The following TP53BP1 variants were observed in gnomAD, a reference collection of about 807,000 sequenced individuals.
TP53BP1 encodes the protein TP53-binding protein 1.
In TP53BP1, 61 loss-of-function variants were observed where a neutral mutation model predicts 200.8. The observed-to-expected ratio is 0.30, with a 90% CI of 0.25 to 0.38. The LOEUF (loss-of-function observed/expected upper bound fraction) is 0.38, where lower values mean the gene tolerates loss of function less well. Among genes scored for constraint, TP53BP1 ranks in the 10% least tolerant of loss-of-function variants. The pLI, the probability that TP53BP1 is intolerant of heterozygous loss-of-function variation, is 1.00. For missense variants in TP53BP1, 2,144 were observed against 2,371.9 expected, an observed-to-expected ratio of 0.90 and a Z score of 2.00; for synonymous variants, 822 against 844.3, an observed-to-expected ratio of 0.97 and a Z score of 0.46.
chr15:43,481,054 C>T, intron 4 of TP53BP1, 32 bp from the exon 5 acceptor site: 1 of 1,613,514 alleles, frequency 6.2e-7, no homozygotes, highest in Non-Finnish European at 8.5e-7. Context: ...TCATGTGTTC[C>T]CAGATAGTTT....
chr15:43,492,579 C>T, intron 1 of TP53BP1, 111 bp from the exon 2 acceptor site: 1 of 769,328 alleles, frequency 1.3e-6, no homozygotes, highest in Non-Finnish European at 2.1e-6. Context: ...GGGACCACTT[C>T]AGGACTCCTC....
chr15:43,452,790 G>A (rs868443418), intron 12 of TP53BP1, among the ~76,000 whole-genome samples: 9 of 151,676 alleles, frequency 5.9e-5, no homozygotes, highest in Non-Finnish European at 8.8e-5. Flanking sequence ...GTTTTACTAC[G>A]GCAAAAAAAG....
chr15:43,457,087 C>G lies in TP53BP1; in HGVS notation c.1521G>C (p.Glu507Asp). ...CCCCTGTCAAAGATAGCCCAAGATC[C>G]TCAGGGGAATTCTTTGGTTCAATCT... is the stretch of plus-strand genomic sequence containing the variant. ...TSEIEPKNSPEDLGLSLTGDS... is the reference protein window; with the variant it reads ...TSEIEPKNSPDDLGLSLTGDS... Residue 507 changes from glutamate to aspartate, a missense_variant, in exon 12 of 28, where the codon GAG becomes GAC. Around this residue, in one of 4 missense-constraint regions of TP53BP1, gnomAD observed 1,700 missense variants for 1,710.3 expected, o/e 0.99. Transcript: ENST00000382044. The G allele has an allele frequency of 6.2e-7, 1 of 1,614,140 alleles. No homozygotes were observed. Among genetic ancestry groups the G allele is most frequent in the Non-Finnish European group, 8.5e-7 (1 of 1,180,026 alleles).
rs2045696404 is a variant in TP53BP1, at chr15:43,432,544, A to T, written c.3325T>A (p.Ser1109Thr). 1 of 1,613,968 alleles carries T rather than the reference A, an allele frequency of 6.2e-7. No homozygotes were observed. Among genetic ancestry groups the T allele is most frequent in the African/African-American group, 1.3e-5 (1 of 74,888 alleles). The stretch of plus-strand genomic sequence containing the variant: ...GGCCCTTGTATGACCATCTTCTGGG[A>T]AGCAGGAGAAACAGGGTCCTTGACA... The part of the protein sequence containing the change: ...SPVKDPVSPA[S>T]QKMVIQGPSS... Residue 1109 changes from serine (S) to threonine (T), a missense_variant, in exon 17 of 28, where the codon TCC (serine) becomes ACC (threonine). Ser to Thr is a moderately conservative substitution (Grantham distance 58, BLOSUM62 1). Coordinates refer to ENST00000382044, the MANE Select transcript of TP53BP1 (RefSeq NM_001141980.3).
rs756445122 is a variant in TP53BP1, at chr15:43,404,433, A to T, written c.*2950T>A. 6.2e-7 allele frequency: 1 copy of T among 1,614,022 alleles called. No homozygotes were observed. Among genetic ancestry groups the T allele is most frequent in the Non-Finnish European group, 8.5e-7 (1 of 1,179,990 alleles). On this transcript the variant is annotated 3_prime_UTR_variant, in exon 28 of 28. Transcript: ENST00000382044. Reference sequence around the variant, plus strand: ...TGCAGGGCTTTAGCCGCCAGTCTTCACTCCTGTTCAAGATTCTCTCCAGTG... The same window carrying T: ...TGCAGGGCTTTAGCCGCCAGTCTTCTCTCCTGTTCAAGATTCTCTCCAGTG...
chr15:43,478,520 CA>C (rs1443728305), intron 7 of TP53BP1, among the ~76,000 whole-genome samples: 5 of 152,208 alleles, frequency 3.3e-5, no homozygotes, highest in African/African-American at 1.2e-4. Context: ...TCCCCTATCC[CA>C]AACTGGAAGC....
intron 4 of TP53BP1, among the ~76,000 whole-genome samples, chr15:43,485,397 G>A (rs1250059088): frequency 6.6e-6 from 1 of 151,738 alleles, no homozygotes; most frequent in Non-Finnish European, 1.5e-5. Flanking sequence ...CTAACATGGT[G>A]AAACCCCATC....
At chr15:43,497,510 T>C, upstream of TP53BP1, 1 of 956,274 alleles carries the variant, frequency 1.0e-6, no homozygotes, top group Non-Finnish European at 1.2e-6. Context: ...CAGCTTTCTT[T>C]CCAATTCCTA....
intron 12 of TP53BP1, among the ~76,000 whole-genome samples, chr15:43,452,469 G>T (rs1448978948): frequency 2.0e-5 from 3 of 151,112 alleles, no homozygotes; most frequent in Non-Finnish European, 4.4e-5. Context: ...GGGCTGAAGT[G>T]GGAGGATCAC....
intron 22 of TP53BP1, 111 bp downstream of exon 22, chr15:43,416,114 C>T: frequency 9.7e-7 from 1 of 1,032,736 alleles, no homozygotes. Flanking sequence ...TGAGAAGCCA[C>T]ACATAGGAAT....
intron 4 of TP53BP1, among the ~76,000 whole-genome samples, chr15:43,488,352 T>C (rs572006311): frequency 9.2e-5 from 14 of 151,862 alleles, no homozygotes; most frequent in African/African-American, 2.7e-4. Flanking sequence ...TCCCATTTTA[T>C]ATAGTATTTT....
chr15:43,404,064 A>G lies in TP53BP1; in HGVS notation c.*3319T>C. 1 of 525,120 alleles carries G rather than the reference A, an allele frequency of 1.9e-6. No homozygotes were observed. The allele number at this position is 525,120 out of a possible 1,614,324, so 32.5% of individuals were successfully genotyped here. On this transcript the variant is annotated 3_prime_UTR_variant, in exon 28 of 28. Transcript: ENST00000382044. ...CATTGGGTTGTTCTAACTTCCTCACATCCTCCCCCCTCCTTACTTCCTTGA... is the reference window on the plus strand; with the variant it reads ...CATTGGGTTGTTCTAACTTCCTCACGTCCTCCCCCCTCCTTACTTCCTTGA...
At chr15:43,477,016 G>A (rs1379733017) in intron 8 of TP53BP1, among the ~76,000 whole-genome samples, 1 of 152,108 alleles carries the variant, frequency 6.6e-6, no homozygotes, top group East Asian at 1.9e-4. Flanking sequence ...AACAGAAAAT[G>A]GCAGCCAGGT....
At position 43,416,254 on chromosome 15, in the gene TP53BP1, G is replaced by A. The variant is rs1353211209; in HGVS notation, c.4844C>T (p.Pro1615Leu). The A allele has an allele frequency of 1.2e-6, 2 of 1,613,866 alleles. No homozygotes were observed. The highest frequency in any genetic ancestry group is 2.7e-5 in the African/African-American group (2 of 74,934). The change falls in exon 22 of 28, where the codon CCT (proline) becomes CTT (leucine). Residue 1615 changes from proline (P) to leucine (L), a missense_variant. This residue lies in a region of TP53BP1 where 334 missense variants were observed against 453.4 expected (regional missense o/e 0.74). Transcript: ENST00000382044. The stretch of plus-strand genomic sequence containing the variant: ...GCTGATATCTGCTGCCTTTGTAAGA[G>A]GTGTTACTGCTTCATAGGGGCCAAG... ...YGLGPYEAVT[P>L]LTKAADISLD...
chr15:43,423,044 T>G (rs1343472068), intron 18 of TP53BP1, among the ~76,000 whole-genome samples: 1 of 148,644 alleles, frequency 6.7e-6, no homozygotes, highest in African/African-American at 2.5e-5. Context: ...TTTGGAAAAA[T>G]GAAGGACAAA....
chr15:43,415,277 G>A lies in TP53BP1; in HGVS notation c.5089+317C>T, dbSNP rs774825356. On this transcript the variant is annotated intron_variant, in intron 23 of 27. Coordinates refer to ENST00000382044, the MANE Select transcript of TP53BP1 (RefSeq NM_001141980.3). ...GGCTGGAGTGCAATGGTGCAATTTC[G>A]GCTCACTGCAACCTCCGCCTTCCTG... The A allele has an allele frequency of 2.0e-4, 66 of 338,336 alleles. 2 individuals carry two copies. The highest frequency in any genetic ancestry group is 1.3e-3 in the South Asian group (50 of 38,564). The allele number at this position is 338,336 out of a possible 1,614,324, so 21.0% of individuals were successfully genotyped here. A position where few individuals can be genotyped will look rare whatever the true frequency, so the allele number is the denominator to read the frequency against.
At position 43,403,873 on chromosome 15, in the gene TP53BP1, T is replaced by C; in HGVS notation, c.*3510A>G. On this transcript the variant is annotated 3_prime_UTR_variant, in exon 28 of 28. Transcript: ENST00000382044. Reference sequence around the variant, plus strand: ...TTTGCCAATGGAGAATTCATGATCTTTCCTCTGAGTCAGTAAAGCATTTCC... The same window carrying C: ...TTTGCCAATGGAGAATTCATGATCTCTCCTCTGAGTCAGTAAAGCATTTCC... 1 of 1,016,122 alleles carries C rather than the reference T, an allele frequency of 9.8e-7. No homozygotes were observed. Among genetic ancestry groups the C allele is most frequent in the Non-Finnish European group, 1.6e-6 (1 of 640,758 alleles). 62.9% of individuals were successfully genotyped at this position (1,016,122 alleles called of 1,614,324 possible).
chr15:43,407,567 A>ATATC lies in TP53BP1; in HGVS notation c.5747-1_5749dup (p.Ile1917ArgfsTer8). On this transcript the variant is annotated frameshift_variant, in exon 28 of 28. Coordinates refer to ENST00000382044, the MANE Select transcript of TP53BP1 (RefSeq NM_001141980.3). LOFTEE classifies it high-confidence loss of function. ...CACCACATCAAATACCCCTAAAGCA[A>ATATC]TATCTGCAAGGAGCAAGGGAAAGTG... 6.2e-7 allele frequency: 1 copy of ATATC among 1,610,218 alleles called. No homozygotes were observed. The highest frequency in any genetic ancestry group is 8.5e-7 in the Non-Finnish European group (1 of 1,177,412).
chr15:43,462,461 C>T (rs1001025917), intron 11 of TP53BP1, among the ~76,000 whole-genome samples: 2 of 151,938 alleles, frequency 1.3e-5, no homozygotes, highest in African/African-American at 4.8e-5. Flanking sequence ...AGGCACACGT[C>T]ACCACATCCG....
Sources: allele counts gnomAD v4.1 joint callset (sites outside exome capture counted in the v4.1 genomes callset), GRCh38; gene constraint gnomAD v4.1.1; regional missense constraint gnomAD v4.1.1; transcripts MANE v1.5; gene names NCBI Gene and HGNC (gene_info 2026-07-23, HGNC 2026-07-21).